Variants in MAP2K3 observed in about 807,000 individuals in gnomAD.
The protein encoded by MAP2K3 is dual specificity mitogen-activated protein kinase kinase 3.
Under a neutral mutation model 46.4 loss-of-function variants are expected in MAP2K3, and 30 were observed. That is an observed-to-expected ratio of 0.65 (90% CI 0.48 to 0.88). The LOEUF (loss-of-function observed/expected upper bound fraction) is 0.88, where lower values mean the gene tolerates loss of function less well. Ranked by LOEUF, MAP2K3 falls within the 40% of genes least tolerant of loss-of-function variation. The probability of loss-of-function intolerance (pLI) is 0.00; values close to 1 mark genes in which losing one functional copy is unlikely to be tolerated. For missense variants in MAP2K3, 380 were observed against 464.5 expected, an observed-to-expected ratio of 0.82 and a Z score of 1.67; for synonymous variants, 189 against 176.3, an observed-to-expected ratio of 1.07 and a Z score of -0.57.
intron 1 of MAP2K3, among the ~76,000 whole-genome samples, chr17:21,286,167 TTC>T (rs764847475): frequency 5.9e-5 from 9 of 152,340 alleles, no homozygotes; most frequent in Non-Finnish European, 1.0e-4. Flanking sequence ...CTCTGAGGCG[TTC>T]TCTCAGCGTA....
At chr17:21,288,003 C>G in intron 1 of MAP2K3, 1 of 1,287,862 alleles carries the variant, frequency 7.8e-7, no homozygotes, top group Non-Finnish European at 1.0e-6. Context: ...AACTCTCTGT[C>G]AGCCAACCCA....
intron 1 of MAP2K3, chr17:21,296,346 G>A (rs1284240371): frequency 3.7e-5 from 18 of 483,678 alleles, no homozygotes; most frequent in Non-Finnish European, 6.0e-5. Context: ...GAAGTTCAGA[G>A]ACTTTGGCCC....
intron 1 of MAP2K3, among the ~76,000 whole-genome samples, chr17:21,295,256 C>T (rs1976173975): frequency 6.6e-6 from 1 of 152,304 alleles, no homozygotes; most frequent in African/African-American, 2.4e-5. Context: ...CTGCCACGGC[C>T]AGTGAGAGTT....
At position 21,284,874 on chromosome 17, in the gene MAP2K3, C is replaced by T. The variant is rs753384243; in HGVS notation, c.-47C>T. On this transcript the variant is annotated 5_prime_UTR_variant, in exon 1 of 12. Transcript: ENST00000342679. The stretch of plus-strand genomic sequence containing the variant: ...GCGTGCTCGGCCCCGGTGGAGCCCG[C>T]AGTCCTCTAGATTAGTCTCCACCGC... The T allele has an allele frequency of 2.5e-6, 4 of 1,599,796 alleles. No homozygotes were observed. In the East Asian group the frequency reaches 6.8e-5, roughly 27 times the overall value.
intron 1 of MAP2K3, among the ~76,000 whole-genome samples, chr17:21,297,670 C>G (rs1976334814): frequency 6.6e-6 from 1 of 152,310 alleles, no homozygotes; most frequent in Admixed American, 6.5e-5. Flanking sequence ...TTAGTACCAG[C>G]TGAGTGCTGT....
At chr17:21,311,608 C>CTCTGTGTGTGTGTG (rs1491218305) in intron 9 of MAP2K3, 1 of 143,666 alleles carries the variant, frequency 7.0e-6, no homozygotes, top group Non-Finnish European at 1.5e-5. Context: ...TTGGAGACAG[C>CTCTGTGTGTGTGTG]TGTGTGTGTG....
At chr17:21,306,057 C>A (rs73982767) in intron 9 of MAP2K3, among the ~76,000 whole-genome samples, 1 of 119,702 alleles carries the variant, frequency 8.4e-6, no homozygotes, top group Non-Finnish European at 1.8e-5. Context: ...TTTCCAACAC[C>A]GCAACCCATT....
chr17:21,312,223 TC>T lies in MAP2K3; in HGVS notation c.862del (p.Gln288SerfsTer19). On this transcript the variant is annotated frameshift_variant, in exon 10 of 12. Transcript: ENST00000342679. LOFTEE classifies it high-confidence loss of function. Reference sequence around the variant, plus strand: ...GCTGAAGCAGGTGGTGGAGGAGCCGTCCCCCCAGCTCCCAGCCGACCGTTTC... The same window carrying T: ...GCTGAAGCAGGTGGTGGAGGAGCCGTCCCCCAGCTCCCAGCCGACCGTTTC... ...QQLKQVVEEPSPQLPADRFSP... is the reference protein window; with the variant it reads ...QQLKQVVEEPXPQLPADRFSP... The T allele has an allele frequency of 2.5e-6, 4 of 1,601,886 alleles. No individual in the cohort carries two copies. Among genetic ancestry groups the T allele is most frequent in the Admixed American group, 3.5e-5 (2 of 57,264 alleles).
chr17:21,310,796 C>T (rs1267874324), intron 9 of MAP2K3, among the ~76,000 whole-genome samples: 1 of 152,232 alleles, frequency 6.6e-6, no homozygotes, highest in African/African-American at 2.4e-5. Context: ...TATTTCCTGG[C>T]AGAAAACACC....
intron 10 of MAP2K3, among the ~76,000 whole-genome samples, chr17:21,313,008 G>A (rs1394774431): frequency 6.6e-6 from 1 of 151,778 alleles, no homozygotes; most frequent in Non-Finnish European, 1.5e-5. Context: ...CAAGAATTGG[G>A]TAAGGAAGAA....
chr17:21,302,020 C>A (rs1976629545), intron 5 of MAP2K3, 123 bp from the exon 6 acceptor site: 2 of 945,074 alleles, frequency 2.1e-6, no homozygotes, highest in African/African-American at 1.6e-5. Flanking sequence ...TGAACTGTGG[C>A]TGAGTGGGTG....
intron 1 of MAP2K3, among the ~76,000 whole-genome samples, chr17:21,290,440 C>T (rs1334343379): frequency 3.9e-5 from 6 of 152,302 alleles, no homozygotes; most frequent in South Asian, 2.1e-4. Context: ...CCCAGGGTGG[C>T]GCGGGCAGAC....
At chr17:21,298,966 ACCTGACGAGC>A (rs773923433) in intron 3 of MAP2K3, 40 bp downstream of exon 3, 1 of 1,613,288 alleles carries the variant, frequency 6.2e-7, no homozygotes, top group South Asian at 1.1e-5. Context: ...CTCTCACTTC[ACCTGACGAGC>A]GGGTAGAGCT....
At chr17:21,285,928 T>A (rs1471951684) in intron 1 of MAP2K3, among the ~76,000 whole-genome samples, 1 of 151,490 alleles carries the variant, frequency 6.6e-6, no homozygotes, top group Admixed American at 6.6e-5. Flanking sequence ...GAGGAAAGGA[T>A]GTTTTTGGTG....
At chr17:21,295,528 C>A in intron 1 of MAP2K3, 6 of 1,201,542 alleles carry the variant, frequency 5.0e-6, no homozygotes, top group Non-Finnish European at 5.3e-6. Flanking sequence ...GCTGCCTGGC[C>A]ATCTGGGCCC....
intron 3 of MAP2K3, among the ~76,000 whole-genome samples, chr17:21,299,543 G>A (rs916202697): frequency 4.6e-5 from 7 of 152,416 alleles, no homozygotes; most frequent in East Asian, 3.9e-4. Context: ...ATTAGTCAGC[G>A]TGGTGGTGCG....
chr17:21,299,090 A>G (rs1281876442), intron 3 of MAP2K3, among the ~76,000 whole-genome samples, 164 bp downstream of exon 3: 1 of 152,298 alleles, frequency 6.6e-6, no homozygotes. Context: ...GCCCTGGGCC[A>G]CCCACTCTTT....
intron 9 of MAP2K3, among the ~76,000 whole-genome samples, chr17:21,308,771 C>G (rs1340679065): frequency 1.3e-5 from 2 of 152,192 alleles, no homozygotes; most frequent in Non-Finnish European, 2.9e-5. Context: ...ATGACTACCT[C>G]ACACATACAC....
intron 1 of MAP2K3, chr17:21,296,151 C>T (rs1976235934): frequency 3.1e-6 from 4 of 1,289,468 alleles, no homozygotes; most frequent in Non-Finnish European, 4.0e-6. Flanking sequence ...CGCAGTGAAC[C>T]CTGTGCTGAG....
Sources: gnomAD v4.1 joint callset for allele counts (sites outside exome capture counted in the v4.1 genomes callset) on GRCh38, gnomAD v4.1.1 for gene constraint, MANE v1.5 for transcripts, NCBI Gene and HGNC (gene_info 2026-07-23, HGNC 2026-07-21) for gene names.